FGD4: variants seen among roughly 807,000 people sequenced by gnomAD.
FGD4 encodes FYVE, RhoGEF and PH domain-containing protein 4.
Under a neutral mutation model 102.0 loss-of-function variants are expected in FGD4, and 42 were observed. The observed-to-expected ratio is 0.41, with a 90% confidence interval of 0.32 to 0.53. The LOEUF is 0.53. FGD4 is among the 20% of genes least tolerant of loss of function. FGD4 has a pLI of 0.21. For synonymous variants in FGD4, 380 were observed against 375.7 expected (o/e 1.01, Z -0.13); for missense variants, 902 against 1,078.2 (o/e 0.84, Z 2.29).
At position 32,622,459 on chromosome 12, in the gene FGD4, AC is replaced by A. The variant is rs145862807; in HGVS notation, c.1923-1961del. Reference sequence around the variant, plus strand: ...TAACATATCCAACACGGTACTGGATACCTCCCAATTCTTGTTGGAAATATGG... The same window carrying A: ...TAACATATCCAACACGGTACTGGATACTCCCAATTCTTGTTGGAAATATGG... On this transcript the variant is annotated intron_variant, in intron 11 of 16. Transcript: ENST00000534526. 4.3e-4 allele frequency among the ~76,000 whole-genome samples: 65 copies of A among 152,174 alleles called. 1 individual carries two copies. The East Asian group carries it at 0.012, about 28-fold the overall frequency.
At chr12:32,624,865 T>A in intron 12 of FGD4, 111 bp from the exon 13 acceptor site, 1 of 897,426 alleles carries the variant, frequency 1.1e-6, no homozygotes, top group Non-Finnish European at 1.9e-6. Context: ...TCAGAACAGG[T>A]TCACTTAATT....
intron 1 of FGD4, among the ~76,000 whole-genome samples, chr12:32,432,192 T>G (rs1429644180): frequency 6.6e-6 from 1 of 151,616 alleles, no homozygotes; most frequent in Non-Finnish European, 1.5e-5. Context: ...CCCCAGCAGC[T>G]GGGACTACAG....
At chr12:32,612,031 C>T (rs2136779697) in intron 10 of FGD4, among the ~76,000 whole-genome samples, 1 of 152,366 alleles carries the variant, frequency 6.6e-6, no homozygotes, top group Middle Eastern at 3.4e-3. Context: ...TGCAAACCGG[C>T]AGGGTGTGCA....
chr12:32,414,279 T>C (rs933184235), intron 1 of FGD4, among the ~76,000 whole-genome samples: 2 of 151,562 alleles, frequency 1.3e-5, no homozygotes, highest in Non-Finnish European at 2.9e-5. Flanking sequence ...GCCTACTTCT[T>C]TTTTTTTTAA....
At chr12:32,416,701 T>C (rs1025846119) in intron 1 of FGD4, among the ~76,000 whole-genome samples, 3 of 152,170 alleles carry the variant, frequency 2.0e-5, no homozygotes, top group African/African-American at 7.2e-5. Flanking sequence ...TCTTTTTATG[T>C]CTTATTGCAC....
chr12:32,593,072 C>T (rs1947610195), intron 4 of FGD4, among the ~76,000 whole-genome samples: 1 of 152,114 alleles, frequency 6.6e-6, no homozygotes, highest in African/African-American at 2.4e-5. Flanking sequence ...GATACAGTTA[C>T]TTTCTAACTC....
chr12:32,446,989 C>T (rs1180787687), intron 1 of FGD4, among the ~76,000 whole-genome samples: 1 of 152,166 alleles, frequency 6.6e-6, no homozygotes, highest in African/African-American at 2.4e-5. Flanking sequence ...CAGCCTTGGG[C>T]TGTGGAAATG....
intron 5 of FGD4, among the ~76,000 whole-genome samples, chr12:32,600,926 T>A (rs1948383769): frequency 6.6e-6 from 1 of 152,188 alleles, no homozygotes; most frequent in South Asian, 2.1e-4. Context: ...CCACAATTAC[T>A]GTGTATACAT....
intron 4 of FGD4, 110 bp downstream of exon 4, chr12:32,582,577 C>A: frequency 7.0e-7 from 1 of 1,421,858 alleles, no homozygotes; most frequent in Non-Finnish European, 9.6e-7. Context: ...ATCACCCACA[C>A]TGGCAGTTAA....
chr12:32,500,453 A>C, intron 1 of FGD4, among the ~76,000 whole-genome samples: 1 of 131,458 alleles, frequency 7.6e-6, no homozygotes, highest in African/African-American at 2.9e-5. Flanking sequence ...TTTTATTTTG[A>C]GACGAAGTCT....
chr12:32,526,917 G>A (rs925035446), intron 1 of FGD4, among the ~76,000 whole-genome samples: 1 of 152,052 alleles, frequency 6.6e-6, no homozygotes, highest in Non-Finnish European at 1.5e-5. Flanking sequence ...TTTTAACTCA[G>A]ATATAGTATT....
intron 1 of FGD4, among the ~76,000 whole-genome samples, chr12:32,489,278 G>A (rs2136570228): frequency 6.6e-6 from 1 of 152,248 alleles, no homozygotes; most frequent in East Asian, 1.9e-4. Context: ...CTGCCCATTT[G>A]TTTAATCTTT....
At chr12:32,500,085 T>A (rs537146419) in intron 1 of FGD4, among the ~76,000 whole-genome samples, 2 of 152,368 alleles carry the variant, frequency 1.3e-5, no homozygotes, top group African/African-American at 4.8e-5. Context: ...TTTTGTATTC[T>A]GTTTTTCCTC....
At chr12:32,513,311 G>T (rs11052036) in intron 1 of FGD4, among the ~76,000 whole-genome samples, 7,678 of 152,244 alleles carry the variant, frequency 0.05, 273 homozygotes, top group South Asian at 0.1. Flanking sequence ...ATAAGAAATT[G>T]GTTTAACTAG....
At chr12:32,600,584 C>CTTTTTTTTTTTTTTTTTTTTTTTTTT (rs776556112) in intron 5 of FGD4, 3 of 267,972 alleles carry the variant, frequency 1.1e-5, no homozygotes, top group African/African-American at 4.0e-5. Flanking sequence ...TTCTTTCTTT[C>CTTTTTTTTTTTTTTTTTTTTTTTTTT]TTTCTTTCTT....
chr12:32,613,796 A>C (rs1949292286), intron 10 of FGD4, among the ~76,000 whole-genome samples: 1 of 152,142 alleles, frequency 6.6e-6, no homozygotes, highest in Admixed American at 6.5e-5. Context: ...AAATAAAGAC[A>C]TCAGGTTGAA....
chr12:32,501,669 C>T (rs893165309), intron 1 of FGD4, among the ~76,000 whole-genome samples: 25 of 152,152 alleles, frequency 1.6e-4, no homozygotes, highest in African/African-American at 4.8e-4. Flanking sequence ...TTCAAACTAA[C>T]ATTTTTTCCA....
At chr12:32,418,594 A>G (rs530161452) in intron 1 of FGD4, among the ~76,000 whole-genome samples, 4 of 152,174 alleles carry the variant, frequency 2.6e-5, no homozygotes, top group Non-Finnish European at 5.9e-5. Context: ...AACCACCTGG[A>G]CCTTGGGGGG....
intron 10 of FGD4, among the ~76,000 whole-genome samples, chr12:32,613,597 A>G (rs1262703440): frequency 6.6e-6 from 1 of 152,020 alleles, no homozygotes; most frequent in Non-Finnish European, 1.5e-5. Flanking sequence ...CTCTACAAAA[A>G]ATTTAAAAAT....
Sources: gnomAD v4.1 joint callset for allele counts (sites outside exome capture counted in the v4.1 genomes callset) on GRCh38, gnomAD v4.1.1 for gene constraint, MANE v1.5 for transcripts, NCBI Gene and HGNC (gene_info 2026-07-23, HGNC 2026-07-21) for gene names.